The following DPP10 variants were observed in gnomAD, a reference collection of about 807,000 sequenced individuals.
The protein encoded by DPP10 is dipeptidyl peptidase like 10.
In DPP10, 33 loss-of-function variants were observed where a neutral mutation model predicts 120.9. The ratio of observed to expected loss-of-function variants is 0.27; its 90% CI spans 0.21 to 0.37. The LOEUF is 0.37. Among genes scored for constraint, DPP10 ranks in the 10% least tolerant of loss-of-function variants. The pLI is 1.00. For synonymous variants in DPP10, 337 were observed against 326.1 expected, an observed-to-expected ratio of 1.03 and a Z score of -0.36; for missense variants, 816 against 942.8, an observed-to-expected ratio of 0.87 and a Z score of 1.76.
chr2:115,824,148 C>G (rs1009825660), intron 21 of DPP10, among the ~76,000 whole-genome samples: 1 of 152,022 alleles, frequency 6.6e-6, no homozygotes, highest in Non-Finnish European at 1.5e-5. Context: ...TATATATACA[C>G]CTCCATAAAG....
At position 115,598,696 on chromosome 2, in the gene DPP10, A is replaced by G. The variant is rs150032410; in HGVS notation, c.441+72724A>G. Among the ~76,000 whole-genome samples the G allele has an allele frequency of 8.9e-3, 1,345 of 151,912 alleles. 14 individuals are homozygous for G. The highest frequency in any genetic ancestry group is 0.03 in the African/African-American group (1,229 of 41,526). On this transcript the variant is annotated intron_variant, in intron 5 of 25. Coordinates refer to ENST00000410059, the MANE Select transcript of DPP10 (RefSeq NM_020868.6). ...AAATTATATTTTGAAGAAATTTTTA[A>G]AATAGGGCTTTTTTATATTTACTCA...
At chr2:114,465,737 T>A (rs1468955844) in intron 1 of DPP10, among the ~76,000 whole-genome samples, 2 of 152,222 alleles carry the variant, frequency 1.3e-5, no homozygotes, top group Non-Finnish European at 2.9e-5. Flanking sequence ...TTGTACACAT[T>A]TATGGAGCAC....
At chr2:115,720,926 C>T (rs764932601) in intron 7 of DPP10, among the ~76,000 whole-genome samples, 9 of 151,904 alleles carry the variant, frequency 5.9e-5, no homozygotes, top group Non-Finnish European at 8.8e-5. Context: ...GGTGGTGGGC[C>T]GGGAGCCAAA....
intron 7 of DPP10, among the ~76,000 whole-genome samples, chr2:115,705,988 G>T (rs1002361012): frequency 6.6e-6 from 1 of 151,160 alleles, no homozygotes; most frequent in Non-Finnish European, 1.5e-5. Context: ...TGGGTTTAAT[G>T]GGGGGGAAAA....
chr2:115,025,972 G>A (rs916822645), intron 1 of DPP10, among the ~76,000 whole-genome samples: 3 of 151,920 alleles, frequency 2.0e-5, no homozygotes, highest in Non-Finnish European at 4.4e-5. Flanking sequence ...TCTGTGGGTT[G>A]GTTCTTCACT....
At chr2:114,771,952 G>C (rs1179996059) in intron 1 of DPP10, among the ~76,000 whole-genome samples, 1 of 151,880 alleles carries the variant, frequency 6.6e-6, no homozygotes, top group Non-Finnish European at 1.5e-5. Context: ...TCAGTAAGAG[G>C]TATCAAGTAA....
At chr2:115,646,109 C>T (rs1020910839) in intron 5 of DPP10, among the ~76,000 whole-genome samples, 7 of 138,628 alleles carry the variant, frequency 5.0e-5, no homozygotes, top group Non-Finnish European at 9.9e-5. Flanking sequence ...TGCGTGCGCG[C>T]ACACACACAC....
intron 5 of DPP10, among the ~76,000 whole-genome samples, chr2:115,538,626 A>C (rs536385238): frequency 6.6e-6 from 1 of 152,050 alleles, no homozygotes; most frequent in Non-Finnish European, 1.5e-5. Flanking sequence ...CTGGCTCCCA[A>C]AATGTAGCGT....
intron 1 of DPP10, among the ~76,000 whole-genome samples, chr2:114,700,566 A>G (rs1700328689): frequency 6.6e-6 from 1 of 152,050 alleles, no homozygotes; most frequent in African/African-American, 2.4e-5. Flanking sequence ...CCACATCACA[A>G]ACACAAGAAC....
At chr2:114,498,979 G>GA (rs1472145624) in intron 1 of DPP10, among the ~76,000 whole-genome samples, 1 of 152,202 alleles carries the variant, frequency 6.6e-6, no homozygotes, top group Non-Finnish European at 1.5e-5. Context: ...TAAAGAATAA[G>GA]AAAATCTATT....
At chr2:114,656,594 TA>T (rs1356556549) in intron 1 of DPP10, among the ~76,000 whole-genome samples, 2 of 152,154 alleles carry the variant, frequency 1.3e-5, no homozygotes, top group East Asian at 3.8e-4. Flanking sequence ...ACTTGTGCAA[TA>T]TTTATTGAGC....
At chr2:115,673,777 G>C (rs2090077531) in intron 5 of DPP10, among the ~76,000 whole-genome samples, 1 of 152,180 alleles carries the variant, frequency 6.6e-6, no homozygotes, top group African/African-American at 2.4e-5. Flanking sequence ...TAAAACATCT[G>C]TTGAGAGTCA....
At chr2:115,515,468 C>A (rs568962831) in intron 4 of DPP10, among the ~76,000 whole-genome samples, 37 of 152,114 alleles carry the variant, frequency 2.4e-4, no homozygotes, top group African/African-American at 8.4e-4. Context: ...TGAGAATCAT[C>A]TTTTTATATG....
intron 3 of DPP10, among the ~76,000 whole-genome samples, chr2:115,449,607 C>T (rs1020260937): frequency 6.6e-6 from 1 of 152,010 alleles, no homozygotes; most frequent in African/African-American, 2.4e-5. Context: ...GAACACATCC[C>T]AGTCTCTCTT....
intron 1 of DPP10, among the ~76,000 whole-genome samples, chr2:114,699,422 C>T (rs879814959): frequency 2.6e-5 from 4 of 152,010 alleles, no homozygotes; most frequent in Admixed American, 6.6e-5. Context: ...TGAACGATAT[C>T]GCTCCACAGT....
chr2:114,446,516 C>T (rs1466116511), intron 1 of DPP10, among the ~76,000 whole-genome samples: 2 of 152,086 alleles, frequency 1.3e-5, no homozygotes, highest in South Asian at 2.1e-4. Flanking sequence ...GACCGGTCTT[C>T]CTCTTTCTCT....
Position 115,499,518 on chromosome 2 carries a change from G to A in DPP10, c.280G>A (p.Val94Met), listed in dbSNP as rs1377639335. 1.2e-6 allele frequency: 2 copies of A among 1,610,762 alleles called. No individual in the cohort carries two copies. The highest frequency in any genetic ancestry group is 1.7e-6 in the Non-Finnish European group (2 of 1,178,042). ...PEARWINDTD[V>M]VYKSENGHVI... ...TGTCTTTGTTGTTGCAGATACAGAT[G>A]TGGTGTATAAAAGCGAGAATGGACA... The change falls in exon 4 of 26, where the codon GTG becomes ATG. Residue 94 changes from valine (V) to methionine (M), a missense_variant. Val to Met is a conservative substitution (Grantham distance 21). This residue lies in a region of DPP10 where 182 missense variants were observed against 207.4 expected (regional missense o/e 0.88). Transcript: ENST00000410059.
At chr2:115,302,378 C>T (rs1342005005) in intron 1 of DPP10, among the ~76,000 whole-genome samples, 1 of 151,942 alleles carries the variant, frequency 6.6e-6, no homozygotes, top group Non-Finnish European at 1.5e-5. Context: ...ATTGCGAGTT[C>T]TTTTATAAAC....
intron 1 of DPP10, among the ~76,000 whole-genome samples, chr2:114,798,610 C>T (rs564667492): frequency 6.6e-6 from 1 of 152,100 alleles, no homozygotes; most frequent in South Asian, 2.1e-4. Flanking sequence ...AGCTAAAGTG[C>T]AGTGCTGGAA....
Sources: allele counts gnomAD v4.1 joint callset (sites outside exome capture counted in the v4.1 genomes callset), GRCh38; gene constraint gnomAD v4.1.1; regional missense constraint gnomAD v4.1.1; transcripts MANE v1.5; gene names NCBI Gene and HGNC (gene_info 2026-07-23, HGNC 2026-07-21).